CFDP1: variants seen among roughly 807,000 people sequenced by gnomAD.
The protein encoded by CFDP1 is chromatin remodeling protein CFDP1, also known as heterochromatin-stabilizing protein CFDP1.
In CFDP1, 31 loss-of-function variants were observed where a neutral mutation model predicts 40.1. The observed-to-expected ratio is 0.77, with a 90% CI of 0.58 to 1.04. The LOEUF (loss-of-function observed/expected upper bound fraction) is 1.04. Ranked by LOEUF, CFDP1 falls within the 50% of genes least tolerant of loss-of-function variation. CFDP1 has a pLI of 0.00. For missense variants in CFDP1, 423 were observed against 343.4 expected (o/e 1.23, Z -1.83); for synonymous variants, 167 against 120.0 (o/e 1.39, Z -2.56).
rs891194765 is a variant in CFDP1, at chr16:75,425,087, A to T, written c.64+8202T>A. Among the ~76,000 whole-genome samples, 37 of 152,330 alleles carry T rather than the reference A, an allele frequency of 2.4e-4. 1 individual carries two copies. The highest frequency in any genetic ancestry group is 8.9e-4 in the African/African-American group (37 of 41,580). On this transcript the variant is annotated intron_variant, in intron 1 of 6. Coordinates refer to ENST00000283882, the MANE Select transcript of CFDP1 (RefSeq NM_006324.3). ...TAAAAACTTTTTACACCTAAAAAAA[A>T]AAGATACAGACTGTATTCATAGACT...
At chr16:75,428,349 C>T (rs2079365923) in intron 1 of CFDP1, among the ~76,000 whole-genome samples, 1 of 152,170 alleles carries the variant, frequency 6.6e-6, no homozygotes, top group African/African-American at 2.4e-5. Context: ...GGCTCAGTGG[C>T]TCACACCTGT....
intron 4 of CFDP1, among the ~76,000 whole-genome samples, chr16:75,397,202 CTG>C (rs1372999605): frequency 1.3e-5 from 2 of 151,678 alleles, no homozygotes; most frequent in Non-Finnish European, 1.5e-5. Flanking sequence ...GCGTGAGCCA[CTG>C]CGCCCAGCGT....
chr16:75,361,192 G>C (rs1480632341), intron 5 of CFDP1, among the ~76,000 whole-genome samples: 2 of 152,032 alleles, frequency 1.3e-5, no homozygotes, highest in African/African-American at 4.8e-5. Context: ...GTATTTTTTA[G>C]TAGCGATGGG....
chr16:75,355,227 T>C (rs2078638030), intron 5 of CFDP1, among the ~76,000 whole-genome samples: 1 of 152,206 alleles, frequency 6.6e-6, no homozygotes. Context: ...TGCTGAAGGC[T>C]GGGGTAATTG....
At position 75,367,107 on chromosome 16, in the gene CFDP1, C is replaced by T. The variant is rs371561243; in HGVS notation, c.650+27983G>A. 1.5e-4 allele frequency among the ~76,000 whole-genome samples: 22 copies of T among 143,400 alleles called. No individual in the cohort carries two copies. The South Asian group carries it at 2.0e-3, about 13-fold the overall frequency. 94.1% of individuals were successfully genotyped at this position (143,400 alleles called of 152,430 possible). A position where few individuals can be genotyped will look rare whatever the true frequency, so the allele number is the denominator to read the frequency against. On this transcript the variant is annotated intron_variant, in intron 5 of 6. Transcript: ENST00000283882. The stretch of plus-strand genomic sequence containing the variant: ...TGAACCTGGGAGACAGAGGTTGCAG[C>T]GAGCCGAGATGGCGCCACTGCATTC...
intron 4 of CFDP1, among the ~76,000 whole-genome samples, chr16:75,410,237 T>C (rs1423789119): frequency 1.3e-5 from 2 of 152,084 alleles, no homozygotes; most frequent in Admixed American, 1.3e-4. Flanking sequence ...TTACTGCCAA[T>C]GAAAATCAAT....
chr16:75,397,750 C>G (rs1567671537), intron 4 of CFDP1, among the ~76,000 whole-genome samples: 1 of 151,404 alleles, frequency 6.6e-6, no homozygotes, highest in Non-Finnish European at 1.5e-5. Context: ...AGGCTGCAGT[C>G]AGCCGAGATC....
intron 5 of CFDP1, among the ~76,000 whole-genome samples, chr16:75,310,916 T>TTCA (rs1227848680): frequency 6.6e-6 from 1 of 152,196 alleles, no homozygotes; most frequent in Non-Finnish European, 1.5e-5. Context: ...GAGTCATTCA[T>TTCA]TCATTGCATT....
chr16:75,383,010 A>C (rs1457830261), intron 5 of CFDP1, among the ~76,000 whole-genome samples: 4 of 152,218 alleles, frequency 2.6e-5, no homozygotes, highest in African/African-American at 7.2e-5. Context: ...TAATAATCAA[A>C]AGGTTATGTT....
At chr16:75,366,299 G>A (rs1597357317) in intron 5 of CFDP1, among the ~76,000 whole-genome samples, 1 of 152,158 alleles carries the variant, frequency 6.6e-6, no homozygotes, top group East Asian at 1.9e-4. Flanking sequence ...AAATTGGTGA[G>A]TTCCCCAAAG....
chr16:75,370,898 C>G (rs1252321574), intron 5 of CFDP1, among the ~76,000 whole-genome samples: 3 of 152,112 alleles, frequency 2.0e-5, no homozygotes, highest in Non-Finnish European at 4.4e-5. Context: ...CTTAAAGATC[C>G]ATTTGCAGAA....
chr16:75,303,392 A>C (rs1301166789), intron 6 of CFDP1, among the ~76,000 whole-genome samples: 2 of 64,122 alleles, frequency 3.1e-5, no homozygotes, highest in Non-Finnish European at 8.5e-5. Context: ...TAAATAAATA[A>C]ATAAATAAAT....
intron 5 of CFDP1, among the ~76,000 whole-genome samples, chr16:75,351,839 C>T (rs1321408403): frequency 6.7e-6 from 1 of 149,970 alleles, no homozygotes; most frequent in African/African-American, 2.5e-5. Flanking sequence ...GAAACCCCGT[C>T]CCTATTAAAA....
At chr16:75,427,504 G>A (rs1037347436) in intron 1 of CFDP1, among the ~76,000 whole-genome samples, 1 of 152,090 alleles carries the variant, frequency 6.6e-6, no homozygotes, top group African/African-American at 2.4e-5. Context: ...GCCTGCCTTG[G>A]CCTCCCAAAG....
At chr16:75,355,520 C>T (rs1235754250) in intron 5 of CFDP1, among the ~76,000 whole-genome samples, 1 of 152,178 alleles carries the variant, frequency 6.6e-6, no homozygotes, top group Non-Finnish European at 1.5e-5. Flanking sequence ...GAAGCAACTC[C>T]TCATCTGTCA....
At chr16:75,336,348 C>G (rs1479977026) in intron 5 of CFDP1, among the ~76,000 whole-genome samples, 1 of 152,122 alleles carries the variant, frequency 6.6e-6, no homozygotes, top group Non-Finnish European at 1.5e-5. Context: ...AGCTAGAGTG[C>G]CTGGGGAGGC....
chr16:75,384,851 A>AATATAT (rs1567665351), intron 5 of CFDP1, among the ~76,000 whole-genome samples: 2 of 68,058 alleles, frequency 2.9e-5, no homozygotes, highest in African/African-American at 1.4e-4. Context: ...AGAAACTAAA[A>AATATAT]CTATATATAT....
intron 5 of CFDP1, among the ~76,000 whole-genome samples, chr16:75,327,023 C>T (rs981023049): frequency 2.6e-5 from 4 of 152,218 alleles, no homozygotes; most frequent in African/African-American, 9.6e-5. Context: ...GTAATCCCAG[C>T]ACTTTGGGAG....
intron 5 of CFDP1, chr16:75,305,480 A>C (rs564837536): frequency 3.3e-6 from 1 of 306,694 alleles, no homozygotes. Flanking sequence ...GGAGGGGAGG[A>C]GCAGCGCTTC....
Sources: allele counts gnomAD v4.1 joint callset (sites outside exome capture counted in the v4.1 genomes callset), GRCh38; gene constraint gnomAD v4.1.1; transcripts MANE v1.5; gene names NCBI Gene and HGNC (gene_info 2026-07-23, HGNC 2026-07-21).